PROSER2: variants seen among roughly 807,000 people sequenced by gnomAD.
The protein encoded by PROSER2 is proline and serine-rich protein 2.
A neutral mutation model predicts 14.6 loss-of-function variants in PROSER2; 18 were observed. The ratio of observed to expected loss-of-function variants is 1.23; its 90% CI spans 0.85 to 1.83. The LOEUF is 1.83. Ranked by LOEUF, PROSER2 falls within the 40% of genes most tolerant of loss-of-function variation. The pLI, the probability that PROSER2 is intolerant of heterozygous loss-of-function variation, is 0.00. For synonymous variants in PROSER2, 367 were observed against 286.4 expected (o/e 1.28, Z -2.84); for missense variants, 823 against 629.8 (o/e 1.31, Z -3.28).
chr10:11,849,224 T>C (rs948216996), intron 1 of PROSER2, among the ~76,000 whole-genome samples: 1 of 152,000 alleles, frequency 6.6e-6, no homozygotes, highest in African/African-American at 2.4e-5. Context: ...TAACTAGCTG[T>C]CTCCTTAAAT....
rs1164511997 is a variant in PROSER2, at chr10:11,869,107, G to T, written c.392-383G>T. On this transcript the variant is annotated intron_variant, in intron 3 of 3. Coordinates refer to ENST00000277570, the MANE Select transcript of PROSER2 (RefSeq NM_153256.4). The surrounding 1 kb of genome is among the most constrained non-coding windows in gnomAD (Gnocchi z 4.4). ...GTCCTTCATCCAGAAAGACCTGCTGGTGTCGGTGTGTGCCACACACTTTCT... is the reference window on the plus strand; with the variant it reads ...GTCCTTCATCCAGAAAGACCTGCTGTTGTCGGTGTGTGCCACACACTTTCT... 1.3e-5 allele frequency among the ~76,000 whole-genome samples: 2 copies of T among 152,188 alleles called. No homozygotes were observed. Among genetic ancestry groups the T allele is most frequent in the Admixed American group, 6.5e-5 (1 of 15,282 alleles).
At chr10:11,851,877 G>A (rs936778916) in intron 1 of PROSER2, 120 bp from the exon 2 acceptor site, 3 of 431,812 alleles carry the variant, frequency 6.9e-6, no homozygotes, top group Middle Eastern at 6.1e-4. Context: ...TTTCCCAATC[G>A]CCTTTACCCT....
intron 1 of PROSER2, among the ~76,000 whole-genome samples, chr10:11,847,773 T>G (rs1371600309): frequency 6.6e-6 from 1 of 152,212 alleles, no homozygotes; most frequent in Non-Finnish European, 1.5e-5. Flanking sequence ...TGTTGAAATG[T>G]TTTCTTCCCT....
Position 11,866,638 on chromosome 10 carries a change from C to T in PROSER2, c.246C>T (p.Cys82=), listed in dbSNP as rs150982968. The T allele has an allele frequency of 1.0e-4, 164 of 1,614,000 alleles. No homozygotes were observed. The highest frequency in any genetic ancestry group is 1.6e-4 in the African/African-American group (12 of 74,892). The change falls in exon 3 of 4, where the codon TGC becomes TGT. Residue 82 remains cysteine (C), a synonymous_variant. Coordinates refer to ENST00000277570, the MANE Select transcript of PROSER2 (RefSeq NM_153256.4). The surrounding 1 kb of genome is among the most constrained non-coding windows in gnomAD (Gnocchi z 6.0). ...LDEDFEEPVL[C]DGGVCCLCSP... The stretch of plus-strand genomic sequence containing the variant: ...AGGACTTTGAGGAGCCAGTGCTGTG[C>T]GATGGAGGAGTGTGCTGCCTCTGCT...
Position 11,866,417 on chromosome 10 carries a change from C to A in PROSER2, c.139-114C>A. 7.8e-7 allele frequency: 1 copy of A among 1,281,084 alleles called. No individual in the cohort carries two copies. The highest frequency in any genetic ancestry group is 1.1e-6 in the Non-Finnish European group (1 of 912,802). 79.4% of individuals were successfully genotyped at this position (1,281,084 alleles called of 1,614,324 possible). A position where few individuals can be genotyped will look rare whatever the true frequency, so the allele number is the denominator to read the frequency against. ...ACTGTGTGGCAGGGTACTCTCGGGA[C>A]ACAGTGAGTTCCGCCCTGGGCTGTG... On this transcript the variant is annotated intron_variant, in intron 2 of 3. Coordinates refer to ENST00000277570, the MANE Select transcript of PROSER2 (RefSeq NM_153256.4). The surrounding 1 kb of genome is among the most constrained non-coding windows in gnomAD (Gnocchi z 6.0).
At chr10:11,849,066 A>G (rs923188531) in intron 1 of PROSER2, among the ~76,000 whole-genome samples, 2 of 152,190 alleles carry the variant, frequency 1.3e-5, no homozygotes, top group Non-Finnish European at 2.9e-5. Context: ...GCATGCCTGT[A>G]GTCCCAGCTA....
intron 2 of PROSER2, chr10:11,857,439 A>T (rs1834143171): frequency 6.6e-6 from 1 of 152,132 alleles, no homozygotes; most frequent in South Asian, 2.1e-4. Flanking sequence ...AGTAGTATCT[A>T]GCTAGAAGTA....
intron 1 of PROSER2, among the ~76,000 whole-genome samples, chr10:11,829,190 C>G (rs1036366260): frequency 6.6e-6 from 1 of 151,422 alleles, no homozygotes; most frequent in Non-Finnish European, 1.5e-5. Flanking sequence ...CTGAGGAAGA[C>G]AGAATAGAAA....
intron 1 of PROSER2, among the ~76,000 whole-genome samples, chr10:11,844,914 TC>T (rs1833902423): frequency 6.6e-6 from 1 of 152,196 alleles, no homozygotes; most frequent in South Asian, 2.1e-4. Context: ...AAGCCACCAC[TC>T]CCAGCCTTCC....
At chr10:11,835,879 G>C (rs1833753529) in intron 1 of PROSER2, among the ~76,000 whole-genome samples, 1 of 152,120 alleles carries the variant, frequency 6.6e-6, no homozygotes, top group Non-Finnish European at 1.5e-5. Flanking sequence ...CCCATATGAA[G>C]AAGCCCACTC....
At position 11,836,448 on chromosome 10, in the gene PROSER2, C is replaced by T. The variant is rs111666787; in HGVS notation, c.-82+12978C>T. 7.9e-5 allele frequency among the ~76,000 whole-genome samples: 12 copies of T among 152,290 alleles called. 3 individuals are homozygous for T. Among genetic ancestry groups the T allele is most frequent in the African/African-American group, 2.4e-4 (10 of 41,562 alleles). Reference sequence around the variant, plus strand: ...CTGACCTCAGGTGATCCTCCCACCTCGGCCTCCCAAAGTGCTGGGATTACA... The same window carrying T: ...CTGACCTCAGGTGATCCTCCCACCTTGGCCTCCCAAAGTGCTGGGATTACA... On this transcript the variant is annotated intron_variant, in intron 1 of 3. Coordinates refer to ENST00000277570, the MANE Select transcript of PROSER2 (RefSeq NM_153256.4). The surrounding 1 kb of genome is among the most constrained non-coding windows in gnomAD (Gnocchi z 4.6).
At chr10:11,854,660 C>T (rs184975741) in intron 2 of PROSER2, among the ~76,000 whole-genome samples, 30 of 151,228 alleles carry the variant, frequency 2.0e-4, no homozygotes, top group African/African-American at 6.1e-4. Context: ...TGGTTTCAAG[C>T]GATTCCCCTG....
intron 1 of PROSER2, among the ~76,000 whole-genome samples, chr10:11,829,247 G>C (rs1453878833): frequency 6.6e-6 from 1 of 151,800 alleles, no homozygotes; most frequent in Non-Finnish European, 1.5e-5. Context: ...ACCTGGGCAT[G>C]TCAATTGTCG....
At chr10:11,829,569 G>A (rs1833662983) in intron 1 of PROSER2, among the ~76,000 whole-genome samples, 1 of 151,378 alleles carries the variant, frequency 6.6e-6, no homozygotes, top group Admixed American at 6.6e-5. Context: ...AAGACAGAGC[G>A]AGACCCTGTC....
chr10:11,840,699 G>A (rs1833824632), intron 1 of PROSER2, among the ~76,000 whole-genome samples: 1 of 151,760 alleles, frequency 6.6e-6, no homozygotes, highest in Admixed American at 6.6e-5. Context: ...CAGGGCAGGT[G>A]GATCACCCTG....
At chr10:11,829,563 CAG>C (rs902883636) in intron 1 of PROSER2, among the ~76,000 whole-genome samples, 10 of 151,554 alleles carry the variant, frequency 6.6e-5, no homozygotes, top group African/African-American at 2.4e-4. Context: ...GCCTGTAAGA[CAG>C]AGCGAGACCC....
chr10:11,825,990 T>G (rs1833606642), intron 1 of PROSER2, among the ~76,000 whole-genome samples: 1 of 152,086 alleles, frequency 6.6e-6, no homozygotes, highest in African/African-American at 2.4e-5. Flanking sequence ...GTTCCAGAAC[T>G]TTTTCATCAC....
intron 2 of PROSER2, among the ~76,000 whole-genome samples, chr10:11,859,985 A>G (rs1260921309): frequency 1.3e-5 from 2 of 152,120 alleles, no homozygotes; most frequent in Non-Finnish European, 2.9e-5. Flanking sequence ...GAGGGCCACA[A>G]GCCTCTTTTC....
intron 1 of PROSER2, among the ~76,000 whole-genome samples, chr10:11,827,905 T>A (rs1219303192): frequency 3.3e-5 from 5 of 152,066 alleles, no homozygotes; most frequent in Non-Finnish European, 7.4e-5. Context: ...CTTGAACCCC[T>A]GGGTTCAAGC....
Sources: allele counts gnomAD v4.1 joint callset (sites outside exome capture counted in the v4.1 genomes callset), GRCh38; gene constraint gnomAD v4.1.1; non-coding constraint Gnocchi (gnomAD v3.1); transcripts MANE v1.5; gene names NCBI Gene and HGNC (gene_info 2026-07-23, HGNC 2026-07-21).